CTNND2: variants seen among roughly 807,000 people sequenced by gnomAD.
The protein encoded by CTNND2 is catenin delta-2.
CTNND2 carries 22 observed loss-of-function variants against 144.4 expected under a neutral mutation model. The ratio of observed to expected loss-of-function variants is 0.15; its 90% CI spans 0.11 to 0.22. The LOEUF is 0.22. CTNND2 is among the 10% of genes least tolerant of loss of function. CTNND2 has a pLI of 1.00. For synonymous variants in CTNND2, 751 were observed against 695.6 expected, an observed-to-expected ratio of 1.08 and a Z score of -1.25; for missense variants, 1,353 against 1,618.8, an observed-to-expected ratio of 0.84 and a Z score of 2.82.
At position 11,614,363 on chromosome 5, in the gene CTNND2, C is replaced by T. The variant is rs1452267650; in HGVS notation, c.175-49307G>A. ...AACAAGATTTCTGCCTCCCCTTTTC[C>T]CACCTGATGTATTATTTCTGCTTCA... is the stretch of plus-strand genomic sequence containing the variant. On this transcript the variant is annotated intron_variant, in intron 2 of 21. Transcript: ENST00000304623. Among the ~76,000 whole-genome samples, 4 of 152,256 alleles carry T rather than the reference C, an allele frequency of 2.6e-5. No homozygotes were observed. In the East Asian group the frequency reaches 7.7e-4, roughly 29 times the overall value.
At chr5:11,682,160 A>G (rs1784446269) in intron 2 of CTNND2, among the ~76,000 whole-genome samples, 1 of 152,234 alleles carries the variant, frequency 6.6e-6, no homozygotes, top group Non-Finnish European at 1.5e-5. Context: ...GAAGACATGC[A>G]TCGGCGGCAC....
intron 16 of CTNND2, among the ~76,000 whole-genome samples, chr5:11,044,643 G>C (rs1337110108): frequency 6.6e-6 from 1 of 152,088 alleles, no homozygotes; most frequent in Non-Finnish European, 1.5e-5. Flanking sequence ...TAGTTAAACA[G>C]AGCTTATGCA....
chr5:11,213,305 C>A lies in CTNND2; in HGVS notation c.1762-13644G>T, dbSNP rs927466380. Among the ~76,000 whole-genome samples, 13 of 152,180 alleles carry A rather than the reference C, an allele frequency of 8.5e-5. 1 individual carries two copies. The highest frequency in any genetic ancestry group is 3.9e-4 in the Admixed American group (6 of 15,288). On this transcript the variant is annotated intron_variant, in intron 10 of 21. Transcript: ENST00000304623. ...CAAAAAGGAAAAGCTTAAGTTCCAC[C>A]ACTCAGAGCTCCCCGGAGCTCCCCG...
chr5:11,110,919 T>C lies in CTNND2; in HGVS notation c.2402A>G (p.Lys801Arg). 2.5e-6 allele frequency: 4 copies of C among 1,614,188 alleles called. No homozygotes were observed. Among genetic ancestry groups the C allele is most frequent in the Non-Finnish European group, 3.4e-6 (4 of 1,180,032 alleles). The change falls in exon 14 of 22, where the codon AAG becomes AGG. Residue 801 changes from lysine to arginine, a missense_variant. Physicochemically the swap from Lys to Arg is conservative, Grantham distance 26 (BLOSUM62 2). Transcript: ENST00000304623. The part of the protein sequence containing the change: ...DGLLCGEANG[K>R]DAESSGCWGK... Reference sequence around the variant, plus strand: ...CCAGCACCCAGAGCTCTCAGCATCCTTGCCATTGGCCTCGCCACAGAGTAG... The same window carrying C: ...CCAGCACCCAGAGCTCTCAGCATCCCTGCCATTGGCCTCGCCACAGAGTAG...
At chr5:11,239,565 C>T (rs376420794) in intron 9 of CTNND2, among the ~76,000 whole-genome samples, 47 of 152,352 alleles carry the variant, frequency 3.1e-4, no homozygotes, top group Middle Eastern at 3.4e-3. Flanking sequence ...TACGCAGATA[C>T]GCACACGTGA....
intron 10 of CTNND2, among the ~76,000 whole-genome samples, chr5:11,216,694 G>T (rs371582481): frequency 2.0e-4 from 30 of 152,220 alleles, no homozygotes; most frequent in African/African-American, 7.0e-4. Flanking sequence ...GTGGAAATTT[G>T]TTACAGCAGC....
At chr5:11,804,322 C>T (rs907144339) in intron 1 of CTNND2, among the ~76,000 whole-genome samples, 3 of 152,098 alleles carry the variant, frequency 2.0e-5, no homozygotes, top group Non-Finnish European at 4.4e-5. Context: ...TAAATATAGC[C>T]TTACTATGCT....
In CTNND2 at chr5:11,384,799, T is replaced by G. The variant is rs572662803; in HGVS notation, c.1043A>C (p.Gln348Pro). ...QSTISSSPIHQLSSTIGTYAT... is the reference protein window; with the variant it reads ...QSTISSSPIHPLSSTIGTYAT... ...GTACGTGCCGATGGTGGAGCTCAGC[T>G]GGTGGATGGGCGAGGAGGAGATGGT... Residue 348 changes from glutamine (Q) to proline (P), a missense_variant, in exon 7 of 22, where the codon CAG (glutamine) becomes CCG (proline). Transcript: ENST00000304623. This position sits in a 1 kb window ranked among gnomAD's most constrained non-coding sequence, Gnocchi z 5.2. The G allele has an allele frequency of 6.2e-7, 1 of 1,613,150 alleles. No individual in the cohort carries two copies. The highest frequency in any genetic ancestry group is 1.1e-5 in the South Asian group (1 of 90,890).
intron 1 of CTNND2, among the ~76,000 whole-genome samples, chr5:11,754,982 T>C (rs1788852723): frequency 6.6e-6 from 1 of 151,818 alleles, no homozygotes; most frequent in African/African-American, 2.4e-5. Flanking sequence ...CATATTATCT[T>C]GTTATTAGCT....
intron 11 of CTNND2, among the ~76,000 whole-genome samples, chr5:11,182,220 T>G (rs1421580183): frequency 6.6e-6 from 1 of 150,476 alleles, no homozygotes; most frequent in African/African-American, 2.5e-5. Context: ...GTGTGTAGTG[T>G]GTGTGTGGTA....
intron 3 of CTNND2, among the ~76,000 whole-genome samples, chr5:11,564,719 T>C (rs1485269398): frequency 6.6e-6 from 1 of 152,206 alleles, no homozygotes; most frequent in African/African-American, 2.4e-5. Context: ...AAATTACGTA[T>C]AATTTGCATT....
intron 1 of CTNND2, among the ~76,000 whole-genome samples, chr5:11,877,515 AAG>A (rs1735653316): frequency 1.3e-5 from 2 of 152,160 alleles, no homozygotes; most frequent in African/African-American, 4.8e-5. Context: ...TAATTTTTAA[AAG>A]AACCATATTT....
At position 11,847,126 on chromosome 5, in the gene CTNND2, TTTTATATATA is replaced by T. The variant is rs1320365046; in HGVS notation, c.37+56681_37+56690del. Among the ~76,000 whole-genome samples, 255 of 105,478 alleles carry T rather than the reference TTTTATATATA, an allele frequency of 2.4e-3. 4 individuals carry two copies. Among genetic ancestry groups the T allele is most frequent in the African/African-American group, 5.7e-3 (183 of 31,846 alleles). The allele number at this position is 105,478 out of a possible 152,430, so 69.2% of individuals were successfully genotyped here. Reference sequence around the variant, plus strand: ...GGAAATAAAATCAGTATGTCAAAGATTTTATATATATATATATATATATATATATATATAT... The same window carrying T: ...GGAAATAAAATCAGTATGTCAAAGATTATATATATATATATATATATATAT... On this transcript the variant is annotated intron_variant, in intron 1 of 21. Coordinates refer to ENST00000304623, the MANE Select transcript of CTNND2 (RefSeq NM_001332.4).
intron 2 of CTNND2, among the ~76,000 whole-genome samples, chr5:11,690,569 T>TA (rs1429290581): frequency 6.6e-6 from 1 of 151,224 alleles, no homozygotes; most frequent in Non-Finnish European, 1.5e-5. Flanking sequence ...CCGTCTCTAC[T>TA]AAAAATACAA....
chr5:11,240,690 CACAG>C (rs971576573), intron 9 of CTNND2, among the ~76,000 whole-genome samples: 2 of 146,176 alleles, frequency 1.4e-5, no homozygotes, highest in African/African-American at 2.5e-5. Context: ...CCAACATGCA[CACAG>C]ACACCCAACA....
At position 11,032,506 on chromosome 5, in the gene CTNND2, T is replaced by C. The variant is rs564766377; in HGVS notation, c.2789-9527A>G. 2.0e-4 allele frequency among the ~76,000 whole-genome samples: 31 copies of C among 152,242 alleles called. 1 individual carries two copies. The highest frequency in any genetic ancestry group is 6.0e-4 in the African/African-American group (25 of 41,548). On this transcript the variant is annotated intron_variant, in intron 16 of 21. Coordinates refer to ENST00000304623, the MANE Select transcript of CTNND2 (RefSeq NM_001332.4). ...TGGTTAGTGTGGCTTACAGACCAAA[T>C]TGGTGAAGCATTCAAAATGGTATTG...
chr5:11,842,856 T>G lies in CTNND2; in HGVS notation c.37+60961A>C, dbSNP rs182077831. Among the ~76,000 whole-genome samples the G allele has an allele frequency of 4.6e-5, 7 of 152,370 alleles. No individual in the cohort carries two copies. In the East Asian group the frequency reaches 1.3e-3, roughly 29 times the overall value. Reference sequence around the variant, plus strand: ...CTGTTTCTATTTGCATTTTTTCATGTGGCTACTAGAAATTTAAACTTGCTT... The same window carrying G: ...CTGTTTCTATTTGCATTTTTTCATGGGGCTACTAGAAATTTAAACTTGCTT... On this transcript the variant is annotated intron_variant, in intron 1 of 21. Transcript: ENST00000304623.
intron 3 of CTNND2, among the ~76,000 whole-genome samples, chr5:11,503,625 G>A (rs562178310): frequency 1.3e-5 from 2 of 152,284 alleles, no homozygotes; most frequent in South Asian, 2.1e-4. Flanking sequence ...TATTACCACT[G>A]CCTAAGGACA....
At chr5:11,189,973 G>C (rs184591856) in intron 11 of CTNND2, among the ~76,000 whole-genome samples, 2 of 152,204 alleles carry the variant, frequency 1.3e-5, no homozygotes, top group Admixed American at 1.3e-4. Flanking sequence ...CCCTCTGCCT[G>C]TGCATATGAT....
Sources: allele counts gnomAD v4.1 joint callset (sites outside exome capture counted in the v4.1 genomes callset), GRCh38; gene constraint gnomAD v4.1.1; non-coding constraint Gnocchi (gnomAD v3.1); transcripts MANE v1.5; gene names NCBI Gene and HGNC (gene_info 2026-07-23, HGNC 2026-07-21).